RTN4R: variants seen among roughly 807,000 people sequenced by gnomAD.
RTN4R encodes the protein reticulon 4 receptor, also known as reticulon-4 receptor.
RTN4R carries 4 observed loss-of-function variants against 27.7 expected under a neutral mutation model. That is an observed-to-expected ratio of 0.14 (90% CI 0.07 to 0.33). RTN4R has a LOEUF of 0.33. Among genes scored for constraint, RTN4R ranks in the 10% least tolerant of loss-of-function variants. The probability of loss-of-function intolerance (pLI) is 1.00; values close to 1 mark genes in which losing one functional copy is unlikely to be tolerated. For synonymous variants in RTN4R, 290 were observed against 305.6 expected (o/e 0.95, Z 0.53); for missense variants, 554 against 671.5 (o/e 0.83, Z 1.93).
At position 20,248,450 on chromosome 22, in the gene RTN4R, G is replaced by A. The variant is rs17818126; in HGVS notation, c.23-5340C>T. Among the ~76,000 whole-genome samples the A allele has an allele frequency of 3.4e-3, 511 of 152,312 alleles. 7 individuals carry two copies. In the East Asian group the frequency reaches 0.062, roughly 18 times the overall value. ...AGTCACAGACACTGAAGCTAGCAGA[G>A]GATGGCCTGGCCCAGGTGAGAGCTG... On this transcript the variant is annotated intron_variant, in intron 1 of 1. Coordinates refer to ENST00000043402, the MANE Select transcript of RTN4R (RefSeq NM_023004.6).
At chr22:20,243,244 AC>A (rs1355149728) in intron 1 of RTN4R, 134 bp from the exon 2 acceptor site, 2 of 809,154 alleles carry the variant, frequency 2.5e-6, no homozygotes, top group African/African-American at 3.4e-5. Flanking sequence ...TGTGGCCACC[AC>A]CCCCGGGAAT....
At chr22:20,243,610 G>A in intron 1 of RTN4R, 1 of 433,188 alleles carries the variant, frequency 2.3e-6, no homozygotes, top group South Asian at 1.7e-5. Context: ...GGCGGGGGTG[G>A]AGGGCAAGTG....
At position 20,241,885 on chromosome 22, in the gene RTN4R, C is replaced by A; in HGVS notation, c.1248G>T (p.Arg416Ser). 2 of 1,607,358 alleles carry A rather than the reference C, an allele frequency of 1.2e-6. No homozygotes were observed. Among genetic ancestry groups the A allele is most frequent in the Non-Finnish European group, 1.7e-6 (2 of 1,177,492 alleles). Residue 416 changes from arginine (R) to serine (S), a missense_variant, in exon 2 of 2, where the codon AGG becomes AGT. Around this residue, in one of 2 missense-constraint regions of RTN4R, gnomAD observed 141 missense variants for 129.2 expected, o/e 1.09. Transcript: ENST00000043402. ...TGCGGTTCTTGCGTGAACAGCCTGG[C>A]CTCCGGCGAGGGCCCGAGGTGGGGA... ...PGFPTSGPRR[R>S]PGCSRKNRTR...
intron 1 of RTN4R, among the ~76,000 whole-genome samples, chr22:20,262,057 C>T (rs1257605072): frequency 6.6e-6 from 1 of 152,156 alleles, no homozygotes; most frequent in Non-Finnish European, 1.5e-5. Context: ...TGGCCACAGG[C>T]CGGGGACAGA....
intron 1 of RTN4R, among the ~76,000 whole-genome samples, chr22:20,261,220 C>T (rs1157254598): frequency 3.3e-5 from 5 of 152,176 alleles, no homozygotes; most frequent in Non-Finnish European, 7.4e-5. Flanking sequence ...CCTGGATCCC[C>T]CCAGGGCAGG....
chr22:20,268,030 C>G, intron 1 of RTN4R, 41 bp downstream of exon 1: 3 of 1,144,710 alleles, frequency 2.6e-6, no homozygotes, highest in Non-Finnish European at 3.2e-6. Flanking sequence ...CCCCTCCGCG[C>G]CCCGCCGCCG....
rs757309315 is a variant in RTN4R at position 20,241,531 on chromosome 22, C to T, written c.*180G>A. 21 of 649,056 alleles carry T rather than the reference C, an allele frequency of 3.2e-5. No homozygotes were observed. Among genetic ancestry groups the T allele is most frequent in the South Asian group, 7.8e-5 (4 of 51,478 alleles). The allele number at this position is 649,056 out of a possible 1,614,324, so 40.2% of individuals were successfully genotyped here. A position where few individuals can be genotyped will look rare whatever the true frequency, so the allele number is the denominator to read the frequency against. ...GGCGGCGTTCTGGAACAAACGCTGC[C>T]GCCGAACCCTGTAAACATGATGGGG... On this transcript the variant is annotated 3_prime_UTR_variant, in exon 2 of 2. Transcript: ENST00000043402.
In RTN4R at chr22:20,242,551, G is replaced by A. The variant is rs746515729; in HGVS notation, c.582C>T (p.Pro194=). 1.2e-5 allele frequency: 20 copies of A among 1,613,404 alleles called. No individual in the cohort carries two copies. The highest frequency in any genetic ancestry group is 3.3e-5 in the South Asian group (3 of 91,088). Residue 194 remains proline, a synonymous_variant, in exon 2 of 2, where the codon CCC becomes CCT. Coordinates refer to ENST00000043402, the MANE Select transcript of RTN4R (RefSeq NM_023004.6). ...FLHGNRISSV[P]ERAFRGLHSL... is the part of the protein sequence containing the mutation. ...TGTGCAGCCCACGGAAGGCGCGCTC[G>A]GGCACGCTGGAGATGCGGTTGCCGT...
chr22:20,266,716 C>T (rs1030509921), intron 1 of RTN4R, among the ~76,000 whole-genome samples: 2 of 152,204 alleles, frequency 1.3e-5, no homozygotes, highest in Admixed American at 6.5e-5. Context: ...CGGTATTCAA[C>T]GAGCCCCCAA....
At chr22:20,254,348 G>C (rs1225094373) in intron 1 of RTN4R, among the ~76,000 whole-genome samples, 2 of 151,426 alleles carry the variant, frequency 1.3e-5, no homozygotes, top group African/African-American at 4.9e-5. Context: ...AGGATTGCTT[G>C]AGCCCAGAAG....
In RTN4R at chr22:20,266,432, C is replaced by T. The variant is rs186077804; in HGVS notation, c.22+1639G>A. ...ACACCGGAGGTAGGGGAGCCCACCA[C>T]AGAACCCCTCACCAAGAAGGTCCTC... On this transcript the variant is annotated intron_variant, in intron 1 of 1. Transcript: ENST00000043402. 1.2e-3 allele frequency among the ~76,000 whole-genome samples: 189 copies of T among 152,380 alleles called. 1 individual carries two copies. The highest frequency in any genetic ancestry group is 4.4e-3 in the African/African-American group (182 of 41,586).
At chr22:20,262,624 C>T (rs1028268689) in intron 1 of RTN4R, among the ~76,000 whole-genome samples, 1 of 152,192 alleles carries the variant, frequency 6.6e-6, no homozygotes, top group Non-Finnish European at 1.5e-5. Flanking sequence ...TCAGCCCCCA[C>T]CCACTTCCTC....
intron 1 of RTN4R, among the ~76,000 whole-genome samples, chr22:20,257,858 G>A (rs2051220593): frequency 6.6e-6 from 1 of 152,144 alleles, no homozygotes. Flanking sequence ...ACACCCCAGG[G>A]TCCCTGCCCA....
chr22:20,260,597 A>C lies in RTN4R; in HGVS notation c.22+7474T>G, dbSNP rs190426831. 4.5e-4 allele frequency among the ~76,000 whole-genome samples: 68 copies of C among 152,238 alleles called. 1 individual carries two copies. The highest frequency in any genetic ancestry group is 1.5e-3 in the African/African-American group (64 of 41,556). On this transcript the variant is annotated intron_variant, in intron 1 of 1. Transcript: ENST00000043402. ...CCAGGCCCGGGTGAGTGAGTTCCCC[A>C]GGTAGGTGGAAGGGGCTTCTGGGGT...
Position 20,241,669 on chromosome 22 carries a change from C to T in RTN4R, c.*42G>A. The T allele has an allele frequency of 6.5e-7, 1 of 1,546,498 alleles. No homozygotes were observed. The highest frequency in any genetic ancestry group is 8.7e-7 in the Non-Finnish European group (1 of 1,145,222). The stretch of plus-strand genomic sequence containing the variant: ...GGCGTGGAGAGAGACCCCGTATGTA[C>T]ACACACCTGGCTGCTGAGCACGCTC... On this transcript the variant is annotated 3_prime_UTR_variant, in exon 2 of 2. Coordinates refer to ENST00000043402, the MANE Select transcript of RTN4R (RefSeq NM_023004.6).
Position 20,242,995 on chromosome 22 carries a change from C to G in RTN4R, c.138G>C (p.Gln46His). 1 of 1,610,280 alleles carries G rather than the reference C, an allele frequency of 6.2e-7. No homozygotes were observed. Among genetic ancestry groups the G allele is most frequent in the Non-Finnish European group, 8.5e-7 (1 of 1,179,892 alleles). ...EPKVTTSCPQ[Q>H]GLQAVPVGIP... ...TGCCCACGGGCACAGCCTGCAGGCC[C>G]TGCTGGGGGCAGCTTGTCGTCACCT... The change falls in exon 2 of 2, where the codon CAG becomes CAC. Residue 46 changes from glutamine (Q) to histidine (H), a missense_variant. Around this residue, in one of 2 missense-constraint regions of RTN4R, gnomAD observed 413 missense variants for 542.3 expected, o/e 0.76. Coordinates refer to ENST00000043402, the MANE Select transcript of RTN4R (RefSeq NM_023004.6).
At chr22:20,265,356 C>T (rs1181033915) in intron 1 of RTN4R, among the ~76,000 whole-genome samples, 2 of 152,216 alleles carry the variant, frequency 1.3e-5, no homozygotes, top group Non-Finnish European at 2.9e-5. Flanking sequence ...CCTCCCAGGA[C>T]AGCAGGACCT....
At chr22:20,267,138 G>C (rs144709923) in intron 1 of RTN4R, among the ~76,000 whole-genome samples, 7 of 152,396 alleles carry the variant, frequency 4.6e-5, no homozygotes, top group African/African-American at 1.7e-4. Context: ...CACCCTCAGA[G>C]TCCGTGTGTG....
Position 20,243,045 on chromosome 22 carries a change from C to A in RTN4R, c.88G>T (p.Ala30Ser), listed in dbSNP as rs1324540763. The change falls in exon 2 of 2, where the codon GCC becomes TCC. Residue 30 changes from alanine (A) to serine (S), a missense_variant. Around this residue, in one of 2 missense-constraint regions of RTN4R, gnomAD observed 413 missense variants for 542.3 expected, o/e 0.76. Transcript: ENST00000043402. ...AWQVAAPCPG[A>S]CVCYNEPKVT... ...TTGGGCTCATTGTAGCATACGCAGG[C>A]ACCTGGGCATGGGGCTGCCACCTGC... 6.9e-6 allele frequency: 11 copies of A among 1,602,726 alleles called. No homozygotes were observed. The East Asian group carries it at 1.8e-4, about 26-fold the overall frequency.
Sources: gnomAD v4.1 joint callset for allele counts (sites outside exome capture counted in the v4.1 genomes callset) on GRCh38, gnomAD v4.1.1 for gene constraint, gnomAD v4.1.1 regional missense constraint, MANE v1.5 for transcripts, NCBI Gene and HGNC (gene_info 2026-07-23, HGNC 2026-07-21) for gene names.